AKAP12: variants seen among roughly 807,000 people sequenced by gnomAD.
The protein encoded by AKAP12 is A-kinase anchor protein 12.
AKAP12 carries 32 observed loss-of-function variants against 79.9 expected under a neutral mutation model. The observed-to-expected ratio is 0.40, with a 90% CI of 0.30 to 0.54. The LOEUF is 0.54. Among genes scored for constraint, AKAP12 ranks in the 20% least tolerant of loss-of-function variants. The pLI, the probability that AKAP12 is intolerant of heterozygous loss-of-function variation, is 0.48. For missense variants in AKAP12, 2,074 were observed against 2,177.0 expected (o/e 0.95, Z 0.94); for synonymous variants, 808 against 857.0 (o/e 0.94, Z 1.00).
intron 2 of AKAP12, among the ~76,000 whole-genome samples, chr6:151,248,118 T>G (rs2114679901): frequency 6.6e-6 from 1 of 152,326 alleles, no homozygotes; most frequent in South Asian, 2.1e-4. Context: ...TACTGCAAAC[T>G]GGGAGTATTG....
At chr6:151,292,505 C>G (rs899895384) in intron 2 of AKAP12, among the ~76,000 whole-genome samples, 3 of 152,172 alleles carry the variant, frequency 2.0e-5, no homozygotes, top group Non-Finnish European at 4.4e-5. Context: ...CAAGGATGCT[C>G]AAGTCCCACA....
intron 2 of AKAP12, among the ~76,000 whole-genome samples, chr6:151,291,788 G>A (rs1776628208): frequency 6.6e-6 from 1 of 152,224 alleles, no homozygotes; most frequent in Non-Finnish European, 1.5e-5. Context: ...CAGTGTATAG[G>A]AAACTTTCTT....
intron 2 of AKAP12, among the ~76,000 whole-genome samples, chr6:151,242,830 A>G (rs532586970): frequency 3.9e-5 from 6 of 152,124 alleles, no homozygotes; most frequent in African/African-American, 9.7e-5. Flanking sequence ...CATGCGTGCC[A>G]TGTTGCCTGG....
chr6:151,325,356 A>G (rs1475272971), intron 3 of AKAP12: 2 of 985,336 alleles, frequency 2.0e-6, no homozygotes, highest in Non-Finnish European at 2.4e-6. Flanking sequence ...ATACAGAAGT[A>G]TTAGTAAATC....
At chr6:151,273,478 C>T (rs1776231545) in intron 2 of AKAP12, among the ~76,000 whole-genome samples, 2 of 152,166 alleles carry the variant, frequency 1.3e-5, no homozygotes, top group African/African-American at 2.4e-5. Flanking sequence ...GTGACTTTCT[C>T]ATCTGTTATT....
chr6:151,273,669 A>G (rs557153246), intron 2 of AKAP12, among the ~76,000 whole-genome samples: 16 of 152,348 alleles, frequency 1.1e-4, no homozygotes, highest in African/African-American at 2.6e-4. Flanking sequence ...GGCCAGTTCA[A>G]AGACTCTTTT....
chr6:151,278,772 A>T (rs1175804199), intron 2 of AKAP12, among the ~76,000 whole-genome samples: 1 of 151,438 alleles, frequency 6.6e-6, no homozygotes, highest in Admixed American at 6.6e-5. Flanking sequence ...GGTTCACGCC[A>T]TTCTCCTGCC....
In AKAP12 at chr6:151,348,712, T is replaced by C; in HGVS notation, c.321T>C (p.Val107=). Residue 107 remains valine, a splice_region_variant and synonymous_variant, in exon 4 of 5, where the codon GTT becomes GTC. Transcript: ENST00000402676. ...QEEEEVIVTE[V]GQRDSEDVSK... is the part of the protein sequence containing the mutation. Reference sequence around the variant, plus strand: ...CCCCCCGCCCCTTTTTGTTAATAGTTGGACAGAGAGACTCTGAAGATGTGA... The same window carrying C: ...CCCCCCGCCCCTTTTTGTTAATAGTCGGACAGAGAGACTCTGAAGATGTGA... 1.2e-6 allele frequency: 1 copy of C among 800,464 alleles called. No individual in the cohort carries two copies. The highest frequency in any genetic ancestry group is 1.9e-5 in the African/African-American group (1 of 51,316). 49.6% of individuals were successfully genotyped at this position (800,464 alleles called of 1,614,324 possible).
Position 151,240,447 on chromosome 6 carries a change from G to C in AKAP12, c.-116G>C, listed in dbSNP as rs2114668835. On this transcript the variant is annotated 5_prime_UTR_variant, in exon 2 of 5. Transcript: ENST00000402676. ...GGCGCGTTCGCAGTCGGCTGGCGGCGAAGGAAGGCGCTCTCGGGACCTCGC... is the reference window on the plus strand; with the variant it reads ...GGCGCGTTCGCAGTCGGCTGGCGGCCAAGGAAGGCGCTCTCGGGACCTCGC... The C allele has an allele frequency of 8.5e-7, 1 of 1,180,158 alleles. No individual in the cohort carries two copies. Among genetic ancestry groups the C allele is most frequent in the Admixed American group, 4.3e-5 (1 of 23,486 alleles). The allele number at this position is 1,180,158 out of a possible 1,614,324, so 73.1% of individuals were successfully genotyped here.
At chr6:151,288,053 G>A (rs983402531) in intron 2 of AKAP12, among the ~76,000 whole-genome samples, 3 of 151,648 alleles carry the variant, frequency 2.0e-5, no homozygotes, top group Admixed American at 6.6e-5. Flanking sequence ...ATCACACACC[G>A]GGGCCTGTTG....
intron 2 of AKAP12, among the ~76,000 whole-genome samples, chr6:151,272,950 C>T (rs1292608941): frequency 6.6e-6 from 1 of 152,232 alleles, no homozygotes; most frequent in African/African-American, 2.4e-5. Flanking sequence ...GAGTCTTGCT[C>T]TGGCTGGAGT....
At position 151,348,757 on chromosome 6, in the gene AKAP12, A is replaced by G; in HGVS notation, c.366A>G (p.Lys122=). 1 of 1,597,728 alleles carries G rather than the reference A, an allele frequency of 6.3e-7. No individual in the cohort carries two copies. The highest frequency in any genetic ancestry group is 8.5e-7 in the Non-Finnish European group (1 of 1,171,634). ...ATGTGAGCAAAAGAGACTCCGATAA[A>G]GAGATGGCTACTAAGTCAGCGGTTG... The part of the protein sequence containing the change: ...SEDVSKRDSD[K]EMATKSAVVH... Residue 122 remains lysine (K), a synonymous_variant, in exon 4 of 5, where the codon AAA becomes AAG. Coordinates refer to ENST00000402676, the MANE Select transcript of AKAP12 (RefSeq NM_005100.4).
chr6:151,291,784 A>G (rs574954724), intron 2 of AKAP12, among the ~76,000 whole-genome samples: 69 of 152,366 alleles, frequency 4.5e-4, no homozygotes, highest in Non-Finnish European at 8.2e-4. Flanking sequence ...GCCACAGTGT[A>G]TAGGAAACTT....
At chr6:151,332,287 C>A (rs536742502) in intron 3 of AKAP12, among the ~76,000 whole-genome samples, 1 of 152,024 alleles carries the variant, frequency 6.6e-6, no homozygotes, top group Admixed American at 6.6e-5. Context: ...CCGCCCGCCT[C>A]GGCCTCCCAA....
At chr6:151,314,276 C>T (rs1480131257) in intron 3 of AKAP12, among the ~76,000 whole-genome samples, 3 of 152,176 alleles carry the variant, frequency 2.0e-5, no homozygotes, top group African/African-American at 7.2e-5. Flanking sequence ...CATCCACCCA[C>T]TTCAGCCTCC....
intron 3 of AKAP12, among the ~76,000 whole-genome samples, chr6:151,309,956 C>A (rs898417943): frequency 6.7e-6 from 1 of 149,456 alleles, no homozygotes; most frequent in African/African-American, 2.5e-5. Flanking sequence ...GGCAAATCTG[C>A]TTCTACCGAA....
chr6:151,325,940 GA>G, intron 3 of AKAP12: 1 of 1,613,602 alleles, frequency 6.2e-7, no homozygotes, highest in Non-Finnish European at 8.5e-7. Context: ...CACGGGGCAC[GA>G]AAAGGGGCTT....
rs181632884 is a variant in AKAP12, at chr6:151,285,900, G to A, written c.163-19847G>A. On this transcript the variant is annotated intron_variant, in intron 2 of 4. Coordinates refer to ENST00000402676, the MANE Select transcript of AKAP12 (RefSeq NM_005100.4). ...GATAATTTTTTTTTTTTTTTGAGACGGAATTTTGCGCTTATCACCCAGGCT... is the reference window on the plus strand; with the variant it reads ...GATAATTTTTTTTTTTTTTTGAGACAGAATTTTGCGCTTATCACCCAGGCT... Among the ~76,000 whole-genome samples, 764 of 146,352 alleles carry A rather than the reference G, an allele frequency of 5.2e-3. 3 individuals are homozygous for A. The highest frequency in any genetic ancestry group is 0.021 in the Middle Eastern group (6 of 286).
At chr6:151,256,087 A>G (rs1797291132) in intron 2 of AKAP12, among the ~76,000 whole-genome samples, 1 of 152,162 alleles carries the variant, frequency 6.6e-6, no homozygotes, top group Non-Finnish European at 1.5e-5. Flanking sequence ...GGCATAGAGA[A>G]ATTTGTGCTG....
Sources: allele counts gnomAD v4.1 joint callset (sites outside exome capture counted in the v4.1 genomes callset), GRCh38; gene constraint gnomAD v4.1.1; transcripts MANE v1.5; gene names NCBI Gene and HGNC (gene_info 2026-07-23, HGNC 2026-07-21).